The following FGF14 variants were observed in gnomAD, a reference collection of about 807,000 sequenced individuals.
FGF14 encodes the protein fibroblast growth factor homologous factor 4.
A neutral mutation model predicts 25.5 loss-of-function variants in FGF14; 5 were observed. The observed-to-expected ratio is 0.20, with a 90% confidence interval of 0.10 to 0.41. FGF14 has a LOEUF of 0.41. Ranked by LOEUF, FGF14 falls within the 10% of genes least tolerant of loss-of-function variation. The pLI is 1.00. For synonymous variants in FGF14, 138 were observed against 118.3 expected (o/e 1.17, Z -1.08); for missense variants, 222 against 320.1 (o/e 0.69, Z 2.34).
intron 1 of FGF14, among the ~76,000 whole-genome samples, chr13:102,337,678 T>C (rs556691902): frequency 5.9e-5 from 9 of 152,158 alleles, no homozygotes; most frequent in Non-Finnish European, 1.2e-4. Context: ...AGTCCATTGA[T>C]GAAGCAAACT....
At chr13:102,287,338 T>C (rs895580647) in intron 1 of FGF14, among the ~76,000 whole-genome samples, 1 of 149,874 alleles carries the variant, frequency 6.7e-6, no homozygotes, top group Non-Finnish European at 1.5e-5. Context: ...GGAGGTTAAA[T>C]AGCAAAGCCA....
At chr13:102,163,625 A>C (rs1455124505) in intron 1 of FGF14, among the ~76,000 whole-genome samples, 1 of 152,268 alleles carries the variant, frequency 6.6e-6, no homozygotes, top group Middle Eastern at 3.4e-3. Flanking sequence ...GTGGATGGTT[A>C]TCAGGGACCA....
chr13:101,738,893 G>A (rs1364263353), intron 3 of FGF14, among the ~76,000 whole-genome samples: 1 of 150,386 alleles, frequency 6.6e-6, no homozygotes, highest in Non-Finnish European at 1.5e-5. Context: ...CAATTGCAGT[G>A]TGTGTGTATA....
At chr13:102,293,053 A>G (rs2054512061) in intron 1 of FGF14, 1 of 152,296 alleles carries the variant, frequency 6.6e-6, no homozygotes, top group Non-Finnish European at 1.5e-5. Context: ...TAGTACTACA[A>G]GGATTAGCAA....
intron 1 of FGF14, among the ~76,000 whole-genome samples, chr13:101,949,667 C>G (rs1309411618): frequency 6.6e-6 from 1 of 152,152 alleles, no homozygotes; most frequent in Non-Finnish European, 1.5e-5. Context: ...AAGATGTTAA[C>G]TCACTGAAAA....
intron 1 of FGF14, among the ~76,000 whole-genome samples, chr13:102,097,034 T>TA (rs2044434901): frequency 6.6e-6 from 1 of 151,762 alleles, no homozygotes; most frequent in Admixed American, 6.6e-5. Context: ...GAGGACTTTT[T>TA]TTTTTTTTTA....
intron 1 of FGF14, among the ~76,000 whole-genome samples, chr13:102,255,102 A>G (rs1044790079): frequency 6.6e-6 from 1 of 152,202 alleles, no homozygotes; most frequent in African/African-American, 2.4e-5. Flanking sequence ...GACCTCATCA[A>G]CCAGAAAGAT....
intron 1 of FGF14, among the ~76,000 whole-genome samples, chr13:102,162,236 G>A (rs1400769192): frequency 6.6e-6 from 1 of 152,094 alleles, no homozygotes; most frequent in Non-Finnish European, 1.5e-5. Context: ...TCGGTCAAAG[G>A]CTGAACAAAG....
intron 1 of FGF14, among the ~76,000 whole-genome samples, chr13:102,328,513 A>G (rs1307020026): frequency 1.3e-5 from 2 of 152,204 alleles, no homozygotes; most frequent in African/African-American, 2.4e-5. Flanking sequence ...TTGCTAGAAT[A>G]TTAGTCTGCC....
intron 1 of FGF14, among the ~76,000 whole-genome samples, chr13:102,356,512 C>A (rs2139010768): frequency 6.6e-6 from 1 of 152,248 alleles, no homozygotes; most frequent in South Asian, 2.1e-4. Context: ...GCTTCCCCAC[C>A]AAAAAGTTAT....
chr13:102,374,869 C>T (rs1029906956), intron 1 of FGF14, among the ~76,000 whole-genome samples: 4 of 151,150 alleles, frequency 2.6e-5, no homozygotes, highest in African/African-American at 9.7e-5. Flanking sequence ...ACTAAATTTC[C>T]AGTAACCTGA....
intron 1 of FGF14, among the ~76,000 whole-genome samples, chr13:101,950,751 G>GTTTTTTTTTTTTTT (rs61285721): frequency 5.3e-5 from 7 of 131,970 alleles, no homozygotes; most frequent in Non-Finnish European, 8.1e-5. Flanking sequence ...ACCTAATCAT[G>GTTTTTTTTTTTTTT]TTTTTTTTTT....
intron 3 of FGF14, among the ~76,000 whole-genome samples, chr13:101,846,837 A>G (rs2043489274): frequency 6.6e-6 from 1 of 152,080 alleles, no homozygotes; most frequent in African/African-American, 2.4e-5. Context: ...AATTAGCATT[A>G]CAAAAGAATT....
intron 1 of FGF14, among the ~76,000 whole-genome samples, chr13:102,065,355 C>G (rs1219474240): frequency 6.6e-6 from 1 of 152,208 alleles, no homozygotes; most frequent in Non-Finnish European, 1.5e-5. Flanking sequence ...ACACTTGGCT[C>G]TTCCAATTCC....
At chr13:102,224,504 C>T (rs1214775755) in intron 1 of FGF14, among the ~76,000 whole-genome samples, 1 of 152,048 alleles carries the variant, frequency 6.6e-6, no homozygotes, top group Non-Finnish European at 1.5e-5. Context: ...TCCCATTTAT[C>T]ATTACCACAA....
intron 1 of FGF14, among the ~76,000 whole-genome samples, chr13:102,174,669 G>A (rs1362987758): frequency 2.0e-5 from 3 of 152,028 alleles, no homozygotes. Flanking sequence ...AATTAACACA[G>A]GAACAGAAAA....
At chr13:101,852,594 T>TA (rs35035752) in intron 3 of FGF14, among the ~76,000 whole-genome samples, 45,837 of 151,856 alleles carry the variant, frequency 0.3, 7,479 homozygotes, top group South Asian at 0.38. Context: ...ATCCTTTCTT[T>TA]AAGTTTTATG....
intron 3 of FGF14, among the ~76,000 whole-genome samples, chr13:101,788,151 C>T (rs757146647): frequency 2.6e-5 from 4 of 152,130 alleles, no homozygotes; most frequent in African/African-American, 4.8e-5. Flanking sequence ...GGATGACAGG[C>T]GTGAGCCACC....
chr13:102,344,348 T>C (rs2138926343), intron 1 of FGF14, among the ~76,000 whole-genome samples: 1 of 152,336 alleles, frequency 6.6e-6, no homozygotes, highest in East Asian at 1.9e-4. Flanking sequence ...ACAAAACCTA[T>C]TAGCTATTGA....
Sources: allele counts gnomAD v4.1 joint callset (sites outside exome capture counted in the v4.1 genomes callset), GRCh38; gene constraint gnomAD v4.1.1; transcripts MANE v1.5; gene names NCBI Gene and HGNC (gene_info 2026-07-23, HGNC 2026-07-21).